Variants in TMOD3 observed in about 807,000 individuals in gnomAD.
TMOD3 encodes the protein tropomodulin 3.
A neutral mutation model predicts 39.2 loss-of-function variants in TMOD3; 20 were observed. That is an observed-to-expected ratio of 0.51 (90% CI 0.36 to 0.74). The LOEUF is 0.74. Ranked by LOEUF, TMOD3 falls within the 30% of genes least tolerant of loss-of-function variation. TMOD3 has a pLI of 0.00. For synonymous variants in TMOD3, 143 were observed against 145.8 expected (o/e 0.98, Z 0.14); for missense variants, 381 against 412.8 (o/e 0.92, Z 0.67).
At chr15:51,907,975 G>C (rs545287757) in intron 9 of TMOD3, among the ~76,000 whole-genome samples, 2 of 152,042 alleles carry the variant, frequency 1.3e-5, no homozygotes, top group African/African-American at 4.8e-5. Flanking sequence ...ATATTACCAG[G>C]GTCTGAGATT....
Position 51,889,133 on chromosome 15 carries a change from G to C in TMOD3, c.484G>C (p.Glu162Gln). The C allele has an allele frequency of 6.3e-7, 1 of 1,599,740 alleles. No homozygotes were observed. Among genetic ancestry groups the C allele is most frequent in the Non-Finnish European group, 8.5e-7 (1 of 1,171,728 alleles). ...IMGSSNGVDQ[E>Q]HFSNVVKGEK... ...GGGAAGTAGTAATGGTGTTGACCAA[G>C]AACATTTTTCAAGTGAGTACTTAAA... The change falls in exon 5 of 10, where the codon GAA (glutamate) becomes CAA (glutamine). Residue 162 changes from glutamate to glutamine, a missense_variant. Glu to Gln is a conservative substitution (Grantham distance 29). Transcript: ENST00000308580.
At chr15:51,856,841 A>G (rs1335791765) in intron 1 of TMOD3, among the ~76,000 whole-genome samples, 2 of 152,216 alleles carry the variant, frequency 1.3e-5, no homozygotes, top group African/African-American at 4.8e-5. Flanking sequence ...AATTCAAGCA[A>G]TCACTTTGAA....
At chr15:51,844,925 A>G (rs1047099988) in intron 1 of TMOD3, among the ~76,000 whole-genome samples, 3 of 151,812 alleles carry the variant, frequency 2.0e-5, no homozygotes, top group African/African-American at 7.3e-5. Context: ...TGACTTCATT[A>G]TTTACTTTGT....
chr15:51,848,523 A>G lies in TMOD3; in HGVS notation c.-74-14288A>G, dbSNP rs575599132. Among the ~76,000 whole-genome samples the G allele has an allele frequency of 6.6e-5, 10 of 152,350 alleles. No homozygotes were observed. The East Asian group carries it at 1.2e-3, about 18-fold the overall frequency. Reference sequence around the variant, plus strand: ...CCAGCCGGAGATAACTTATTGTTACATTATTTCCAGATTAATTTTGAACCA... The same window carrying G: ...CCAGCCGGAGATAACTTATTGTTACGTTATTTCCAGATTAATTTTGAACCA... On this transcript the variant is annotated intron_variant, in intron 1 of 9. Coordinates refer to ENST00000308580, the MANE Select transcript of TMOD3 (RefSeq NM_014547.5).
intron 7 of TMOD3, among the ~76,000 whole-genome samples, chr15:51,898,156 T>C (rs2593173): frequency 0.44 from 66,681 of 152,046 alleles, 14,877 homozygotes; most frequent in Admixed American, 0.52. Flanking sequence ...ATGAGTGGAC[T>C]TCATCTCATT....
intron 3 of TMOD3, chr15:51,884,674 G>A (rs1469602186): frequency 6.6e-6 from 1 of 152,102 alleles, no homozygotes; most frequent in South Asian, 2.1e-4. Context: ...GTTGGCAATT[G>A]AGAAAGTACT....
At chr15:51,834,810 G>T (rs968895700) in intron 1 of TMOD3, among the ~76,000 whole-genome samples, 1 of 152,220 alleles carries the variant, frequency 6.6e-6, no homozygotes, top group African/African-American at 2.4e-5. Context: ...CTGAGGGCCA[G>T]AGTAAGACCC....
At chr15:51,894,396 AAAAAT>A (rs1212344032) in intron 6 of TMOD3, among the ~76,000 whole-genome samples, 3 of 152,200 alleles carry the variant, frequency 2.0e-5, no homozygotes, top group African/African-American at 7.2e-5. Flanking sequence ...TCCCATCTCA[AAAAAT>A]AAAATAAAAC....
At position 51,886,290 on chromosome 15, in the gene TMOD3, G is replaced by T. The variant is rs2570226; in HGVS notation, c.284-1299G>T. ...GGCGGCCGGGCAGAGGCTGCAATCT[G>T]GGCACTTTGGGAGGCCAAGGCAGGC... is the stretch of plus-strand genomic sequence containing the variant. On this transcript the variant is annotated intron_variant, in intron 3 of 9. Transcript: ENST00000308580. Among the ~76,000 whole-genome samples the T allele has an allele frequency of 4.3e-4, 65 of 152,138 alleles. 1 individual carries two copies. In the South Asian group the frequency reaches 0.013, roughly 30 times the overall value.
intron 1 of TMOD3, chr15:51,861,302 A>C (rs1319242000): frequency 5.8e-6 from 2 of 346,514 alleles, no homozygotes; most frequent in Non-Finnish European, 1.1e-5. Context: ...TGAGGTCCGA[A>C]CTCTACAACC....
chr15:51,885,592 A>G (rs2056556829), intron 3 of TMOD3, among the ~76,000 whole-genome samples: 3 of 152,188 alleles, frequency 2.0e-5, no homozygotes. Flanking sequence ...TGTTTCAGAG[A>G]ACACGGGGTT....
At chr15:51,855,321 C>G (rs2056382603) in intron 1 of TMOD3, among the ~76,000 whole-genome samples, 1 of 152,198 alleles carries the variant, frequency 6.6e-6, no homozygotes, top group African/African-American at 2.4e-5. Flanking sequence ...CACCCCAGAC[C>G]TACTCAATCA....
chr15:51,840,697 C>T (rs191222910), intron 1 of TMOD3, among the ~76,000 whole-genome samples: 1 of 152,248 alleles, frequency 6.6e-6, no homozygotes, highest in Non-Finnish European at 1.5e-5. Context: ...TTAATTTAGC[C>T]AAAATGATGT....
chr15:51,877,499 G>A (rs2056510531), intron 3 of TMOD3, among the ~76,000 whole-genome samples: 1 of 152,080 alleles, frequency 6.6e-6, no homozygotes, highest in Non-Finnish European at 1.5e-5. Context: ...CCAACATGGT[G>A]AAACCCCATC....
intron 3 of TMOD3, among the ~76,000 whole-genome samples, chr15:51,885,877 GC>G (rs1482431912): frequency 1.4e-5 from 2 of 145,600 alleles, no homozygotes; most frequent in African/African-American, 5.2e-5. Context: ...GGGCAGAGGC[GC>G]CCCCCACCTC....
intron 1 of TMOD3, among the ~76,000 whole-genome samples, chr15:51,854,705 C>T (rs542287405): frequency 6.6e-6 from 1 of 152,276 alleles, no homozygotes; most frequent in African/African-American, 2.4e-5. Context: ...TGTTAATTGA[C>T]AATCAAAACA....
chr15:51,832,705 A>G (rs2056262645), intron 1 of TMOD3, among the ~76,000 whole-genome samples: 1 of 152,142 alleles, frequency 6.6e-6, no homozygotes, highest in South Asian at 2.1e-4. Flanking sequence ...ATATCTGAGC[A>G]ATATCACAGG....
intron 1 of TMOD3, among the ~76,000 whole-genome samples, chr15:51,840,217 T>G (rs1043914661): frequency 2.6e-5 from 4 of 152,204 alleles, no homozygotes; most frequent in African/African-American, 9.7e-5. Context: ...TTGTTTTCTT[T>G]GTGTACATCG....
chr15:51,893,719 C>G (rs900108173), intron 5 of TMOD3, 96 bp from the exon 6 acceptor site: 1 of 1,209,056 alleles, frequency 8.3e-7, no homozygotes, highest in Non-Finnish European at 1.1e-6. Context: ...GAGCCGAGAT[C>G]GTGCCACTGC....
Sources: allele counts gnomAD v4.1 joint callset (sites outside exome capture counted in the v4.1 genomes callset), GRCh38; gene constraint gnomAD v4.1.1; transcripts MANE v1.5; gene names NCBI Gene and HGNC (gene_info 2026-07-23, HGNC 2026-07-21).